The following CRYM variants were observed in gnomAD, a reference collection of about 807,000 sequenced individuals.
CRYM encodes the protein ketimine reductase mu-crystallin.
Under a neutral mutation model 32.9 loss-of-function variants are expected in CRYM, and 18 were observed. The ratio of observed to expected loss-of-function variants is 0.55; its 90% CI spans 0.38 to 0.81. CRYM has a LOEUF of 0.81. Among genes scored for constraint, CRYM ranks in the 30% least tolerant of loss-of-function variants. CRYM has a pLI of 0.00. For synonymous variants in CRYM, 153 were observed against 152.4 expected (o/e 1.00, Z -0.03); for missense variants, 337 against 393.5 (o/e 0.86, Z 1.21).
intron 1 of CRYM, among the ~76,000 whole-genome samples, chr16:21,295,944 A>G (rs1348678457): frequency 2.0e-5 from 3 of 152,192 alleles, no homozygotes; most frequent in Non-Finnish European, 4.4e-5. Flanking sequence ...AAAAAAAAAA[A>G]AGAAAGTTAT....
chr16:21,266,852 A>G (rs1338650000), intron 5 of CRYM, among the ~76,000 whole-genome samples: 2 of 151,818 alleles, frequency 1.3e-5, no homozygotes, highest in Non-Finnish European at 2.9e-5. Flanking sequence ...CAAAAATTAC[A>G]AAAAATTAGC....
intron 5 of CRYM, among the ~76,000 whole-genome samples, chr16:21,263,772 G>T (rs932583420): frequency 2.0e-5 from 3 of 152,202 alleles, no homozygotes; most frequent in Admixed American, 1.3e-4. Context: ...TAATGAAAAT[G>T]AACAAAGCTG....
At chr16:21,295,612 ATGGT>A (rs1421766394) in intron 1 of CRYM, among the ~76,000 whole-genome samples, 1 of 152,188 alleles carries the variant, frequency 6.6e-6, no homozygotes, top group African/African-American at 2.4e-5. Context: ...TAGTAATACA[ATGGT>A]ATAAAGTTAT....
Position 21,277,718 on chromosome 16 carries a change from G to A in CRYM, c.171-134C>T. On this transcript the variant is annotated intron_variant, in intron 1 of 7. Transcript: ENST00000572914. The surrounding 1 kb of genome is among the most constrained non-coding windows in gnomAD (Gnocchi z 4.2). The stretch of plus-strand genomic sequence containing the variant: ...CCTCTTCCAGCCCCCGCATCCCTCT[G>A]CCCTTCCCTTAGACACTATGCACAG... The A allele has an allele frequency of 1.0e-6, 1 of 998,660 alleles. No individual in the cohort carries two copies. The highest frequency in any genetic ancestry group is 1.5e-6 in the Non-Finnish European group (1 of 664,274). The allele number at this position is 998,660 out of a possible 1,614,324, so 61.9% of individuals were successfully genotyped here. A position where few individuals can be genotyped will look rare whatever the true frequency, so the allele number is the denominator to read the frequency against.
At chr16:21,286,384 ATTT>A (rs894297420) in intron 1 of CRYM, among the ~76,000 whole-genome samples, 2 of 140,182 alleles carry the variant, frequency 1.4e-5, no homozygotes, top group Non-Finnish European at 3.1e-5. Context: ...CGCCCAGCTA[ATTT>A]TTTTTTTTTT....
intron 6 of CRYM, 74 bp from the exon 7 acceptor site, chr16:21,261,412 G>T: frequency 9.8e-7 from 1 of 1,025,210 alleles, no homozygotes; most frequent in Non-Finnish European, 1.5e-6. Context: ...AGCCAGCCCA[G>T]GGAATTCCTG....
intron 5 of CRYM, among the ~76,000 whole-genome samples, chr16:21,266,078 T>C (rs1438311820): frequency 1.3e-5 from 2 of 151,952 alleles, no homozygotes; most frequent in African/African-American, 2.4e-5. Flanking sequence ...ACAAAAAAAT[T>C]AGCTGGCATG....
chr16:21,276,685 A>G (rs565760020), intron 2 of CRYM, among the ~76,000 whole-genome samples: 92 of 152,366 alleles, frequency 6.0e-4, no homozygotes, highest in Non-Finnish European at 9.7e-4. Flanking sequence ...TTCTTGGCAC[A>G]TAAGTGCCCA....
At chr16:21,260,383 T>C (rs2093352202) in intron 7 of CRYM, among the ~76,000 whole-genome samples, 1 of 152,112 alleles carries the variant, frequency 6.6e-6, no homozygotes, top group African/African-American at 2.4e-5. Flanking sequence ...CACTACAACC[T>C]CCACCTTCCG....
At chr16:21,291,247 T>C in intron 1 of CRYM, among the ~76,000 whole-genome samples, 1 of 152,160 alleles carries the variant, frequency 6.6e-6, no homozygotes, top group Admixed American at 6.5e-5. Context: ...AACCTTGGGA[T>C]GAGCATCAGC....
rs1597615977 is a variant in CRYM, at chr16:21,267,536, T to G, written c.673+18A>C. 6.2e-7 allele frequency: 1 copy of G among 1,612,914 alleles called. No homozygotes were observed. The highest frequency in any genetic ancestry group is 8.5e-7 in the Non-Finnish European group (1 of 1,179,912). ...CCTGGCCACCACCCATCATGCCTTATGGAGCCACTCTACTTACCATTGATG... is the reference window on the plus strand; with the variant it reads ...CCTGGCCACCACCCATCATGCCTTAGGGAGCCACTCTACTTACCATTGATG... On this transcript the variant is annotated intron_variant, in intron 5 of 7. Coordinates refer to ENST00000572914, the MANE Select transcript of CRYM (RefSeq NM_001376256.1).
intron 6 of CRYM, 179 bp downstream of exon 6, chr16:21,261,858 A>G (rs1362261899): frequency 3.0e-6 from 2 of 669,608 alleles, no homozygotes; most frequent in East Asian, 2.8e-5. Context: ...CATAATGCCC[A>G]TATTTTTCTG....
chr16:21,290,911 G>T (rs767498271), intron 1 of CRYM, among the ~76,000 whole-genome samples: 1 of 152,054 alleles, frequency 6.6e-6, no homozygotes, highest in Non-Finnish European at 1.5e-5. Flanking sequence ...AATCAGCATT[G>T]GTTTCTTGTT....
Position 21,269,772 on chromosome 16 carries a change from C to A in CRYM, c.489+18G>T. 7.9e-7 allele frequency: 1 copy of A among 1,269,526 alleles called. No homozygotes were observed. Among genetic ancestry groups the A allele is most frequent in the South Asian group, 1.2e-5 (1 of 82,868 alleles). The allele number at this position is 1,269,526 out of a possible 1,614,324, so 78.6% of individuals were successfully genotyped here. A position where few individuals can be genotyped will look rare whatever the true frequency, so the allele number is the denominator to read the frequency against. The stretch of plus-strand genomic sequence containing the variant: ...CACCCCCTTCCCTCTTCTCTCCCAC[C>A]CCCACCCCTGGACTTACCTCCTTAA... On this transcript the variant is annotated intron_variant, in intron 4 of 7. Transcript: ENST00000572914.
intron 5 of CRYM, among the ~76,000 whole-genome samples, chr16:21,263,530 C>G (rs898142765): frequency 6.6e-5 from 10 of 152,132 alleles, no homozygotes; most frequent in Middle Eastern, 3.2e-3. Flanking sequence ...TCCTCACCCC[C>G]GGTTCTCTCT....
intron 1 of CRYM, chr16:21,284,062 C>G (rs2733913): frequency 0.26 from 39,676 of 151,990 alleles, 5,419 homozygotes; most frequent in African/African-American, 0.34. Context: ...ACCCGCTGCC[C>G]GTGGTCGGCG....
upstream of CRYM, among the ~76,000 whole-genome samples, chr16:21,279,882 A>G (rs961714474): frequency 1.3e-5 from 2 of 152,164 alleles, no homozygotes; most frequent in Non-Finnish European, 1.5e-5. Flanking sequence ...TAGCCATGTA[A>G]TAAGTGAACA....
intron 3 of CRYM, among the ~76,000 whole-genome samples, chr16:21,275,120 C>T (rs548269401): frequency 6.6e-6 from 1 of 152,332 alleles, no homozygotes; most frequent in African/African-American, 2.4e-5. Context: ...ATTATACTGT[C>T]TTACCAGGGG....
chr16:21,279,966 T>G (rs943922762), upstream of CRYM, among the ~76,000 whole-genome samples: 3 of 152,230 alleles, frequency 2.0e-5, no homozygotes, highest in Non-Finnish European at 4.4e-5. Flanking sequence ...CAATTTTGTT[T>G]CTTCGGTTCA....
Sources: gnomAD v4.1 joint callset for allele counts (sites outside exome capture counted in the v4.1 genomes callset) on GRCh38, gnomAD v4.1.1 for gene constraint, Gnocchi (gnomAD v3.1) non-coding constraint, MANE v1.5 for transcripts, NCBI Gene and HGNC (gene_info 2026-07-23, HGNC 2026-07-21) for gene names.